Variants in CRTAP observed in about 807,000 individuals in gnomAD.
CRTAP encodes cartilage associated protein, also known as cartilage-associated protein.
A neutral mutation model predicts 42.7 loss-of-function variants in CRTAP; 33 were observed. That is an observed-to-expected ratio of 0.77 (90% confidence interval 0.59 to 1.03). The LOEUF (loss-of-function observed/expected upper bound fraction) is 1.03, where lower values mean the gene tolerates loss of function less well. CRTAP is among the 50% of genes least tolerant of loss of function. The pLI is 0.00. For synonymous variants in CRTAP, 243 were observed against 217.7 expected (o/e 1.12, Z -1.02); for missense variants, 613 against 533.9 (o/e 1.15, Z -1.46).
At chr3:33,114,672 C>G in intron 1 of CRTAP, 124 bp downstream of exon 1, 1 of 842,886 alleles carries the variant, frequency 1.2e-6, no homozygotes, top group Non-Finnish European at 1.9e-6. Context: ...TCCCTCCCAT[C>G]CAGCCCTGCC....
intron 6 of CRTAP, among the ~76,000 whole-genome samples, chr3:33,140,837 A>T (rs1180911814): frequency 6.6e-6 from 1 of 152,182 alleles, no homozygotes; most frequent in Non-Finnish European, 1.5e-5. Flanking sequence ...CTCAACAAAT[A>T]CGTGGTCTCA....
intron 2 of CRTAP, among the ~76,000 whole-genome samples, chr3:33,124,004 C>T (rs1266978697): frequency 6.6e-6 from 1 of 152,158 alleles, no homozygotes; most frequent in Non-Finnish European, 1.5e-5. Flanking sequence ...TTGACAAATA[C>T]ATCCAGTCCT....
intron 6 of CRTAP, 149 bp from the exon 7 acceptor site, chr3:33,142,246 C>T (rs749254731): frequency 6.3e-5 from 45 of 717,870 alleles, no homozygotes; most frequent in Non-Finnish European, 1.1e-4. Context: ...AGGGAGAAAT[C>T]AGGTCCTCTG....
Position 33,134,412 on chromosome 3 carries a change from C to T in CRTAP, c.1152+147C>T, listed in dbSNP as rs2030363157. 5 of 691,310 alleles carry T rather than the reference C, an allele frequency of 7.2e-6. No homozygotes were observed. In the East Asian group the frequency reaches 8.2e-5, roughly 11 times the overall value. 42.8% of individuals were successfully genotyped at this position (691,310 alleles called of 1,614,324 possible). Reference sequence around the variant, plus strand: ...ACAGTTCCTGTGGGTGTTTCAGTGACAGTCAGAATGCTGGCATGGGAAAGA... The same window carrying T: ...ACAGTTCCTGTGGGTGTTTCAGTGATAGTCAGAATGCTGGCATGGGAAAGA... On this transcript the variant is annotated intron_variant, in intron 6 of 6. Transcript: ENST00000320954.
At chr3:33,122,274 T>TTGCTGC (rs2029900145) in intron 2 of CRTAP, among the ~76,000 whole-genome samples, 1 of 151,902 alleles carries the variant, frequency 6.6e-6, no homozygotes, top group African/African-American at 2.4e-5. Context: ...TTGGTCCTTC[T>TTGCTGC]TGCTGCTGCT....
chr3:33,117,661 G>C (rs1400694352), intron 1 of CRTAP, among the ~76,000 whole-genome samples: 1 of 152,156 alleles, frequency 6.6e-6, no homozygotes, highest in Non-Finnish European at 1.5e-5. Flanking sequence ...CTAACTCCCC[G>C]GAACCACAGG....
At chr3:33,142,198 C>G (rs1285719511) in intron 6 of CRTAP, among the ~76,000 whole-genome samples, 197 bp from the exon 7 acceptor site, 2 of 152,140 alleles carry the variant, frequency 1.3e-5, no homozygotes, top group Non-Finnish European at 2.9e-5. Flanking sequence ...GCACTTGATA[C>G]CAAGTTCAAA....
Position 33,142,397 on chromosome 3 carries a change from A to G in CRTAP, c.1155A>G (p.Gly385=), listed in dbSNP as rs1325393199. The change falls in exon 7 of 7, where the codon GGA becomes GGG. Residue 385 remains glycine (G), a splice_region_variant and synonymous_variant. Transcript: ENST00000320954. ...AKENIMDDDE[G]EVVEYVDDLL... ...AGTTGTCCTGTTGTCTCTTACAGGG[A>G]GAAGTTGTGGAATATGTGGATGACC... is the stretch of plus-strand genomic sequence containing the variant. 6.2e-7 allele frequency: 1 copy of G among 1,613,850 alleles called. No individual in the cohort carries two copies. Among genetic ancestry groups the G allele is most frequent in the Non-Finnish European group, 8.5e-7 (1 of 1,179,818 alleles).
Position 33,127,279 on chromosome 3 carries a change from A to G in CRTAP, c.794-2660A>G, listed in dbSNP as rs184386376. ...GATATTTAGAGTTTCTTTAGTTTTT[A>G]TTTTTAAATAATTTCAAACTTGTAG... On this transcript the variant is annotated intron_variant, in intron 3 of 6. Coordinates refer to ENST00000320954, the MANE Select transcript of CRTAP (RefSeq NM_006371.5). Among the ~76,000 whole-genome samples, 318 of 151,806 alleles carry G rather than the reference A, an allele frequency of 2.1e-3. 1 individual carries two copies. The highest frequency in any genetic ancestry group is 6.3e-3 in the Admixed American group (96 of 15,268).
Position 33,145,116 on chromosome 3 carries a change from C to CT in CRTAP, c.*2669dup. On this transcript the variant is annotated 3_prime_UTR_variant, in exon 7 of 7. Transcript: ENST00000320954. The surrounding 1 kb of genome is among the most constrained non-coding windows in gnomAD (Gnocchi z 4.3). ...GGCTTCCCTTATCCCCCAGAACACT[C>CT]TACCAACCTCGGGGAACTCGGGCAC... The CT allele has an allele frequency of 6.6e-6, 1 of 152,454 alleles. No homozygotes were observed. Among genetic ancestry groups the CT allele is most frequent in the South Asian group, 2.1e-4 (1 of 4,834 alleles). 9.4% of individuals were successfully genotyped at this position (152,454 alleles called of 1,614,324 possible).
chr3:33,114,500 C>T lies in CRTAP; in HGVS notation c.423C>T (p.Asp141=). ...QSQPSREVLA[D]FQRREPYKFL... is the part of the protein sequence containing the mutation. ...AGCCCAGCCGCGAGGTGCTGGCGGA[C>T]TTCCAGCGCCGCGAGCCCTACAAGT... The change falls in exon 1 of 7, where the codon GAC becomes GAT. Residue 141 remains aspartate, a synonymous_variant. Coordinates refer to ENST00000320954, the MANE Select transcript of CRTAP (RefSeq NM_006371.5). The T allele has an allele frequency of 1.2e-6, 2 of 1,603,914 alleles. No individual in the cohort carries two copies. Among genetic ancestry groups the T allele is most frequent in the Non-Finnish European group, 1.7e-6 (2 of 1,177,072 alleles).
chr3:33,119,646 T>G (rs1339819576), intron 1 of CRTAP, among the ~76,000 whole-genome samples: 1 of 152,084 alleles, frequency 6.6e-6, no homozygotes, highest in Non-Finnish European at 1.5e-5. Context: ...TGTGGGGGAT[T>G]TGGGAAAACA....
At chr3:33,125,487 G>T (rs2030031399) in intron 3 of CRTAP, among the ~76,000 whole-genome samples, 9 of 87,448 alleles carry the variant, frequency 1.0e-4, no homozygotes, top group East Asian at 4.4e-4. Flanking sequence ...TTTCTACAAA[G>T]TAGGTTTTTT....
rs1454842952 is a variant in CRTAP, at chr3:33,142,628, C to T, written c.*180C>T. 6.7e-6 allele frequency: 4 copies of T among 600,752 alleles called. No homozygotes were observed. Among genetic ancestry groups the T allele is most frequent in the Non-Finnish European group, 8.9e-6 (3 of 337,602 alleles). 37.2% of individuals were successfully genotyped at this position (600,752 alleles called of 1,614,324 possible). ...GGTGAGCCTGCCTTTCCTATCTTCA[C>T]ACCTGCCACCTCATGTTCACACCTA... On this transcript the variant is annotated 3_prime_UTR_variant, in exon 7 of 7. Coordinates refer to ENST00000320954, the MANE Select transcript of CRTAP (RefSeq NM_006371.5).
chr3:33,119,779 A>G (rs972909658), intron 1 of CRTAP, among the ~76,000 whole-genome samples: 5 of 152,224 alleles, frequency 3.3e-5, no homozygotes, highest in African/African-American at 1.2e-4. Flanking sequence ...CACAAGAGAT[A>G]GTGTTCTGCC....
At chr3:33,117,428 A>G (rs1264263060) in intron 1 of CRTAP, among the ~76,000 whole-genome samples, 1 of 152,192 alleles carries the variant, frequency 6.6e-6, no homozygotes, top group Non-Finnish European at 1.5e-5. Flanking sequence ...CAGGTGCATC[A>G]TAGGTTTCTC....
At chr3:33,117,118 G>C (rs1295733553) in intron 1 of CRTAP, among the ~76,000 whole-genome samples, 2 of 152,014 alleles carry the variant, frequency 1.3e-5, no homozygotes, top group African/African-American at 4.8e-5. Context: ...AAAAAAAAGT[G>C]ATGTTTACGT....
chr3:33,114,578 C>G, intron 1 of CRTAP, 30 bp downstream of exon 1: 1 of 1,548,444 alleles, frequency 6.5e-7, no homozygotes, highest in Non-Finnish European at 8.7e-7. Flanking sequence ...TCCCAGGCCC[C>G]GGCCCCGCCC....
chr3:33,137,471 G>A (rs910541744), intron 6 of CRTAP, among the ~76,000 whole-genome samples: 27 of 152,160 alleles, frequency 1.8e-4, no homozygotes, highest in African/African-American at 6.0e-4. Context: ...ACTATGTTGA[G>A]CATCCCTTCA....
Sources: gnomAD v4.1 joint callset for allele counts (sites outside exome capture counted in the v4.1 genomes callset) on GRCh38, gnomAD v4.1.1 for gene constraint, Gnocchi (gnomAD v3.1) non-coding constraint, MANE v1.5 for transcripts, NCBI Gene and HGNC (gene_info 2026-07-23, HGNC 2026-07-21) for gene names.